The following PCED1B variants were observed in gnomAD, a reference collection of about 807,000 sequenced individuals.
PCED1B encodes the protein PC-esterase domain containing 1B.
For synonymous variants in PCED1B, 251 were observed against 246.1 expected (o/e 1.02, Z -0.19); for missense variants, 573 against 573.9 (o/e 1.00, Z 0.02).
intron 2 of PCED1B, among the ~76,000 whole-genome samples, chr12:47,149,349 T>A (rs1055047371): frequency 3.9e-5 from 6 of 152,218 alleles, no homozygotes; most frequent in African/African-American, 1.4e-4. Flanking sequence ...TATGGCTCCA[T>A]TCTCTCTCCC....
rs552869911 is a variant in PCED1B at position 47,088,417 on chromosome 12, A to G, written c.-609+8692A>G. ...TCTCTCTCAGCTGCTGCAGACTGGA[A>G]TGAGTCCACTGGTCTGCATGCCTAG... On this transcript the variant is annotated intron_variant, in intron 1 of 3. Coordinates refer to ENST00000546455, the MANE Select transcript of PCED1B (RefSeq NM_138371.3). 2.6e-5 allele frequency among the ~76,000 whole-genome samples: 4 copies of G among 152,182 alleles called. No individual in the cohort carries two copies. The East Asian group carries it at 7.7e-4, about 29-fold the overall frequency.
intron 2 of PCED1B, among the ~76,000 whole-genome samples, chr12:47,126,257 A>G (rs1939884844): frequency 6.6e-6 from 1 of 152,098 alleles, no homozygotes; most frequent in Non-Finnish European, 1.5e-5. Flanking sequence ...CTTTCTTTGT[A>G]TCTATTGAGA....
intron 2 of PCED1B, among the ~76,000 whole-genome samples, chr12:47,169,424 AT>A (rs1210127667): frequency 1.3e-5 from 2 of 152,022 alleles, no homozygotes; most frequent in Non-Finnish European, 2.9e-5. Context: ...TGTACCTGCC[AT>A]TTTTCAGATT....
intron 2 of PCED1B, among the ~76,000 whole-genome samples, chr12:47,132,975 T>C (rs1940193458): frequency 6.6e-6 from 1 of 152,218 alleles, no homozygotes; most frequent in East Asian, 1.9e-4. Context: ...TAGTTCAATA[T>C]ACTATTCTAC....
chr12:47,120,063 TG>T (rs1326212611), intron 2 of PCED1B, among the ~76,000 whole-genome samples: 1 of 152,002 alleles, frequency 6.6e-6, no homozygotes, highest in African/African-American at 2.4e-5. Context: ...GATACACAAA[TG>T]GTCAATAAGT....
rs907570133 is a variant in PCED1B, at chr12:47,236,445, C to T, written c.*83C>T. The T allele has an allele frequency of 3.0e-6, 4 of 1,343,324 alleles. No individual in the cohort carries two copies. Among genetic ancestry groups the T allele is most frequent in the Non-Finnish European group, 4.0e-6 (4 of 1,005,778 alleles). The allele number at this position is 1,343,324 out of a possible 1,614,324, so 83.2% of individuals were successfully genotyped here. A position where few individuals can be genotyped will look rare whatever the true frequency, so the allele number is the denominator to read the frequency against. ...CTTTCCATTGCTTGGCCTGAACAGA[C>T]TGACCTTGTTAACTTAAGCCTGGAG... On this transcript the variant is annotated 3_prime_UTR_variant, in exon 4 of 4. Coordinates refer to ENST00000546455, the MANE Select transcript of PCED1B (RefSeq NM_138371.3).
At chr12:47,150,576 T>TC (rs1410669163) in intron 2 of PCED1B, among the ~76,000 whole-genome samples, 7 of 144,744 alleles carry the variant, frequency 4.8e-5, no homozygotes, top group African/African-American at 1.8e-4. Flanking sequence ...AGACTCCATC[T>TC]CAAAAAAAAA....
chr12:47,191,811 T>G (rs1942449047), intron 2 of PCED1B, among the ~76,000 whole-genome samples: 1 of 144,036 alleles, frequency 6.9e-6, no homozygotes, highest in South Asian at 2.1e-4. Flanking sequence ...TGTGTTGTGC[T>G]TTTTTTTTTA....
At chr12:47,079,882 C>G (rs1460731884) in intron 1 of PCED1B, 157 bp downstream of exon 1, 1 of 150,684 alleles carries the variant, frequency 6.6e-6, no homozygotes, top group Non-Finnish European at 1.5e-5. Context: ...CCCGCGCGCC[C>G]GGGGCCGGGA....
At chr12:47,215,599 G>T (rs1400448446) in intron 2 of PCED1B, among the ~76,000 whole-genome samples, 1 of 152,136 alleles carries the variant, frequency 6.6e-6, no homozygotes, top group Admixed American at 6.5e-5. Context: ...TTACCTGCTG[G>T]TTTCAAGTGG....
At chr12:47,156,292 G>A (rs1941189833) in intron 2 of PCED1B, among the ~76,000 whole-genome samples, 1 of 152,088 alleles carries the variant, frequency 6.6e-6, no homozygotes, top group Non-Finnish European at 1.5e-5. Flanking sequence ...TGACAATGTT[G>A]GCTGCTGCTG....
intron 2 of PCED1B, among the ~76,000 whole-genome samples, chr12:47,200,743 G>A (rs1942739223): frequency 6.6e-6 from 1 of 152,210 alleles, no homozygotes; most frequent in South Asian, 2.1e-4. Context: ...AGTGCAGTGT[G>A]CCTACAGAAT....
intron 2 of PCED1B, among the ~76,000 whole-genome samples, chr12:47,144,148 T>C (rs1346408772): frequency 6.6e-6 from 1 of 152,218 alleles, no homozygotes; most frequent in Non-Finnish European, 1.5e-5. Context: ...TTATGGCTTA[T>C]ACCTTGTAGA....
chr12:47,131,673 CTTTT>C (rs760678015), intron 2 of PCED1B, among the ~76,000 whole-genome samples: 1 of 128,000 alleles, frequency 7.8e-6, no homozygotes. Context: ...TGTTTTACTT[CTTTT>C]TTTTTTTTTT....
intron 3 of PCED1B, among the ~76,000 whole-genome samples, chr12:47,217,523 G>GGAAGAGAA (rs1943330727): frequency 8.6e-6 from 1 of 115,656 alleles, no homozygotes; most frequent in African/African-American, 4.7e-5. Flanking sequence ...AAAGAAGAAA[G>GGAAGAGAA]AGAAAGAGAG....
At chr12:47,103,013 A>G (rs1370771944) in intron 1 of PCED1B, among the ~76,000 whole-genome samples, 1 of 152,170 alleles carries the variant, frequency 6.6e-6, no homozygotes, top group Non-Finnish European at 1.5e-5. Flanking sequence ...ATGCTCTCTT[A>G]TGTCCAAGTA....
chr12:47,215,141 C>A (rs935754588), intron 2 of PCED1B, among the ~76,000 whole-genome samples: 6 of 151,534 alleles, frequency 4.0e-5, no homozygotes, highest in Non-Finnish European at 5.9e-5. Context: ...TTTTCTTTTT[C>A]ATCTTGGTAT....
chr12:47,216,818 C>T (rs1565607168), intron 3 of PCED1B, 129 bp downstream of exon 3: 1 of 152,198 alleles, frequency 6.6e-6, no homozygotes, highest in Non-Finnish European at 1.5e-5. Flanking sequence ...CTCCTTCAGC[C>T]CACCCCATGT....
At chr12:47,229,539 A>G (rs919893087) in intron 3 of PCED1B, among the ~76,000 whole-genome samples, 17 of 152,196 alleles carry the variant, frequency 1.1e-4, no homozygotes, top group Non-Finnish European at 1.8e-4. Context: ...GATTGGGCCC[A>G]AGTGGAAACA....
Sources: gnomAD v4.1 joint callset for allele counts (sites outside exome capture counted in the v4.1 genomes callset) on GRCh38, gnomAD v4.1.1 for gene constraint, MANE v1.5 for transcripts, NCBI Gene and HGNC (gene_info 2026-07-23, HGNC 2026-07-21) for gene names.